Variants in HFM1 observed in about 807,000 individuals in gnomAD.
HFM1 encodes the protein probable ATP-dependent DNA helicase HFM1.
Under a neutral mutation model 192.1 loss-of-function variants are expected in HFM1, and 169 were observed. The ratio of observed to expected loss-of-function variants is 0.88; its 90% confidence interval spans 0.78 to 1.00. The LOEUF is 1.00. HFM1 is among the 50% of genes least tolerant of loss of function. The pLI is 0.00. For synonymous variants in HFM1, 525 were observed against 537.8 expected, an observed-to-expected ratio of 0.98 and a Z score of 0.33; for missense variants, 1,661 against 1,668.0, an observed-to-expected ratio of 1.00 and a Z score of 0.07.
At chr1:91,272,363 A>C (rs1666386024) in intron 34 of HFM1, among the ~76,000 whole-genome samples, 1 of 152,048 alleles carries the variant, frequency 6.6e-6, no homozygotes, top group South Asian at 2.1e-4. Context: ...TATACCATGC[A>C]GCAACTTCTT....
At chr1:91,348,507 GT>G (rs1014344226) in intron 18 of HFM1, among the ~76,000 whole-genome samples, 22 of 152,046 alleles carry the variant, frequency 1.4e-4, no homozygotes, top group African/African-American at 5.1e-4. Context: ...AAAATGAAGG[GT>G]TTTTTTGCTG....
chr1:91,299,678 A>T (rs536057132), intron 30 of HFM1, among the ~76,000 whole-genome samples: 6 of 152,226 alleles, frequency 3.9e-5, no homozygotes, highest in Non-Finnish European at 8.8e-5. Flanking sequence ...CTGCTCCTGA[A>T]TGACTACTGG....
intron 20 of HFM1, among the ~76,000 whole-genome samples, chr1:91,335,202 C>A (rs1423638795): frequency 6.6e-6 from 1 of 152,068 alleles, no homozygotes; most frequent in Admixed American, 6.5e-5. Context: ...CAATTAGGAT[C>A]CTGGTGAATA....
chr1:91,296,467 T>C (rs775024843), intron 30 of HFM1, among the ~76,000 whole-genome samples: 1 of 152,142 alleles, frequency 6.6e-6, no homozygotes, highest in Non-Finnish European at 1.5e-5. Context: ...GCCCAATATG[T>C]TTTTCTTCAA....
intron 19 of HFM1, 123 bp from the exon 20 acceptor site, chr1:91,343,633 C>A: frequency 2.4e-6 from 1 of 411,404 alleles, no homozygotes; most frequent in East Asian, 3.8e-5. Flanking sequence ...GAACCATAGT[C>A]CCTACTTAAG....
Position 91,375,638 on chromosome 1 carries a change from G to C in HFM1, c.1485C>G (p.Val495=). The C allele has an allele frequency of 6.2e-7, 1 of 1,613,280 alleles. No individual in the cohort carries two copies. The highest frequency in any genetic ancestry group is 1.3e-5 in the African/African-American group (1 of 74,966). The change falls in exon 12 of 39, where the codon GTC becomes GTG. Residue 495 remains valine (V), a synonymous_variant. Transcript: ENST00000370425. ...SHRPVKLQKV[V]LGFPCSSNQT... is the part of the protein sequence containing the mutation. ...GGTTACTACTGCAGGGAAATCCAAG[G>C]ACCACTTTCTGAAGTTTCACTGGTC...
intron 30 of HFM1, among the ~76,000 whole-genome samples, chr1:91,301,217 A>C (rs1004133774): frequency 3.3e-5 from 5 of 151,496 alleles, no homozygotes; most frequent in Non-Finnish European, 7.4e-5. Flanking sequence ...CTAGGAATCC[A>C]ACTTACAAGG....
At chr1:91,288,384 T>A (rs1670752) in intron 30 of HFM1, among the ~76,000 whole-genome samples, 62,497 of 143,512 alleles carry the variant, frequency 0.44, 14,889 homozygotes, top group East Asian at 0.71. Flanking sequence ...TTTTTTTTTT[T>A]TTTTTTTAGT....
At position 91,365,028 on chromosome 1, in the gene HFM1, C is replaced by T. The variant is rs184528428; in HGVS notation, c.1685+10330G>A. On this transcript the variant is annotated intron_variant, in intron 13 of 38. Coordinates refer to ENST00000370425, the MANE Select transcript of HFM1 (RefSeq NM_001017975.6). Reference sequence around the variant, plus strand: ...AGCCTTATAAAAGAATGAGATTCTGCGACTTGCCACAACATGGCTGGACCT... The same window carrying T: ...AGCCTTATAAAAGAATGAGATTCTGTGACTTGCCACAACATGGCTGGACCT... Among the ~76,000 whole-genome samples, 356 of 152,080 alleles carry T rather than the reference C, an allele frequency of 2.3e-3. 3 individuals are homozygous for T. Among genetic ancestry groups the T allele is most frequent in the African/African-American group, 7.7e-3 (321 of 41,474 alleles).
chr1:91,267,673 G>C (rs1032087436), intron 35 of HFM1, 72 bp downstream of exon 35: 2 of 701,550 alleles, frequency 2.9e-6, no homozygotes, highest in African/African-American at 3.7e-5. Context: ...AAGAAACTTA[G>C]TTCCAGGAGC....
At chr1:91,345,361 A>G (rs922573692) in intron 19 of HFM1, among the ~76,000 whole-genome samples, 2 of 152,148 alleles carry the variant, frequency 1.3e-5, no homozygotes, top group African/African-American at 4.8e-5. Flanking sequence ...CAATTTGGTG[A>G]GAGTAGAATA....
At chr1:91,378,997 C>G in intron 9 of HFM1, 66 bp downstream of exon 9, 3 of 948,008 alleles carry the variant, frequency 3.2e-6, no homozygotes, top group Non-Finnish European at 4.5e-6. Flanking sequence ...AACTTTTTAT[C>G]TCAGTAAAGA....
chr1:91,264,444 C>T (rs927567509), intron 36 of HFM1, among the ~76,000 whole-genome samples: 2 of 123,864 alleles, frequency 1.6e-5, no homozygotes, highest in African/African-American at 3.1e-5. Context: ...GCAATCTCGG[C>T]TCACTGCAAG....
intron 30 of HFM1, among the ~76,000 whole-genome samples, chr1:91,304,693 G>T (rs1649357190): frequency 6.7e-6 from 1 of 150,334 alleles, no homozygotes; most frequent in African/African-American, 2.5e-5. Context: ...TGGCCAAGCT[G>T]GTCTTGAACT....
intron 13 of HFM1, among the ~76,000 whole-genome samples, chr1:91,364,735 G>A (rs1309591807): frequency 6.7e-6 from 1 of 148,298 alleles, no homozygotes; most frequent in Non-Finnish European, 1.5e-5. Context: ...CGGGGTTCAC[G>A]CCATTCTCCT....
intron 30 of HFM1, among the ~76,000 whole-genome samples, chr1:91,309,229 A>G (rs772025118): frequency 6.6e-6 from 1 of 152,190 alleles, no homozygotes; most frequent in Non-Finnish European, 1.5e-5. Flanking sequence ...AGTGTCTGTT[A>G]ACTGCTCCCC....
chr1:91,297,618 A>G (rs1401641349), intron 30 of HFM1, among the ~76,000 whole-genome samples: 2 of 152,210 alleles, frequency 1.3e-5, no homozygotes, highest in African/African-American at 4.8e-5. Flanking sequence ...TCAGGCAGCA[A>G]CATTTGCTGT....
At chr1:91,276,143 C>T (rs921985169) in intron 32 of HFM1, among the ~76,000 whole-genome samples, 4 of 152,130 alleles carry the variant, frequency 2.6e-5, no homozygotes, top group Non-Finnish European at 4.4e-5. Context: ...TCCCTTCCTA[C>T]GATCATTCTG....
intron 13 of HFM1, among the ~76,000 whole-genome samples, chr1:91,355,055 T>C (rs907087466): frequency 2.0e-5 from 3 of 152,030 alleles, no homozygotes; most frequent in Non-Finnish European, 4.4e-5. Flanking sequence ...ATACTGAATA[T>C]AAAAAGATGT....
Sources: allele counts gnomAD v4.1 joint callset (sites outside exome capture counted in the v4.1 genomes callset), GRCh38; gene constraint gnomAD v4.1.1; transcripts MANE v1.5; gene names NCBI Gene and HGNC (gene_info 2026-07-23, HGNC 2026-07-21).